Variants in KCNIP4 observed in about 807,000 individuals in gnomAD.
The protein encoded by KCNIP4 is Kv channel-interacting protein 4.
KCNIP4 carries 12 observed loss-of-function variants against 34.0 expected under a neutral mutation model. The observed-to-expected ratio is 0.35, with a 90% confidence interval of 0.23 to 0.57. KCNIP4 has a LOEUF of 0.57. KCNIP4 is among the 20% of genes least tolerant of loss of function. The pLI is 0.83. For missense variants in KCNIP4, 238 were observed against 311.7 expected (o/e 0.76, Z 1.78); for synonymous variants, 124 against 102.2 (o/e 1.21, Z -1.29).
chr4:20,775,408 T>C (rs1756287218), intron 3 of KCNIP4, among the ~76,000 whole-genome samples: 1 of 151,866 alleles, frequency 6.6e-6, no homozygotes. Flanking sequence ...TGATTAATAA[T>C]AACGAGTCCA....
rs117265070 is a variant in KCNIP4, at chr4:21,333,916, A to C, written c.62-451207T>G. On this transcript the variant is annotated intron_variant, in intron 1 of 8. Transcript: ENST00000382152. The stretch of plus-strand genomic sequence containing the variant: ...GTGCAAAAACTTCGGAAATTTTTAT[A>C]CCACTACTCTATCATAGCACTTTAG... 3.9e-5 allele frequency among the ~76,000 whole-genome samples: 6 copies of C among 152,274 alleles called. No individual in the cohort carries two copies. The East Asian group carries it at 1.2e-3, about 29-fold the overall frequency.
intron 1 of KCNIP4, among the ~76,000 whole-genome samples, chr4:21,191,971 T>G (rs895568153): frequency 2.0e-5 from 3 of 152,206 alleles, no homozygotes; most frequent in Non-Finnish European, 4.4e-5. Context: ...GTAGAGATCT[T>G]GATTCATAGC....
At position 21,196,238 on chromosome 4, in the gene KCNIP4, T is replaced by A. The variant is rs543061136; in HGVS notation, c.62-313529A>T. On this transcript the variant is annotated intron_variant, in intron 1 of 8. Coordinates refer to ENST00000382152, the MANE Select transcript of KCNIP4 (RefSeq NM_025221.6). ...TTCCTGGGATGGCAATAATGGCATG[T>A]TTCATTTTAATAGAACACATGTTTT... Among the ~76,000 whole-genome samples, 76 of 152,292 alleles carry A rather than the reference T, an allele frequency of 5.0e-4. 1 individual carries two copies. Among genetic ancestry groups the A allele is most frequent in the African/African-American group, 1.8e-3 (76 of 41,568 alleles).
intron 1 of KCNIP4, among the ~76,000 whole-genome samples, chr4:21,755,284 G>T (rs1156336637): frequency 6.6e-6 from 1 of 152,164 alleles, no homozygotes; most frequent in African/African-American, 2.4e-5. Flanking sequence ...ACCCACCAAG[G>T]TGGTTGGCAG....
intron 1 of KCNIP4, among the ~76,000 whole-genome samples, chr4:20,887,965 A>G (rs1725506788): frequency 6.6e-6 from 1 of 152,088 alleles, no homozygotes; most frequent in South Asian, 2.1e-4. Flanking sequence ...GGGTCAATGG[A>G]ATTTTAATGT....
Position 21,925,246 on chromosome 4 carries a change from A to G in KCNIP4, c.61+23325T>C, listed in dbSNP as rs1463761887. Among the ~76,000 whole-genome samples, 3 of 93,376 alleles carry G rather than the reference A, an allele frequency of 3.2e-5. No individual in the cohort carries two copies. The East Asian group carries it at 1.5e-3, about 47-fold the overall frequency. 61.3% of individuals were successfully genotyped at this position (93,376 alleles called of 152,430 possible). ...TATCCCTTCCCCCTCCCCCCACCCC[A>G]CAACAGTCCCTGGTGTGTGATGTTC... On this transcript the variant is annotated intron_variant, in intron 1 of 8. Coordinates refer to ENST00000382152, the MANE Select transcript of KCNIP4 (RefSeq NM_025221.6).
chr4:21,560,365 C>G (rs749364363), intron 1 of KCNIP4, among the ~76,000 whole-genome samples: 11 of 151,962 alleles, frequency 7.2e-5, no homozygotes, highest in Admixed American at 2.6e-4. Context: ...TGCAATTGAG[C>G]CTTATTAAAA....
chr4:21,039,475 A>C (rs965370232), intron 1 of KCNIP4, among the ~76,000 whole-genome samples: 1 of 152,288 alleles, frequency 6.6e-6, no homozygotes, highest in African/African-American at 2.4e-5. Flanking sequence ...CTCCTCTGCA[A>C]GAAACCCTTA....
chr4:21,462,181 T>C (rs1048391146), intron 1 of KCNIP4, among the ~76,000 whole-genome samples: 1 of 152,100 alleles, frequency 6.6e-6, no homozygotes, highest in African/African-American at 2.4e-5. Flanking sequence ...CCATGAACCA[T>C]TTTCTACCCA....
chr4:20,861,430 T>A (rs1264902842), intron 2 of KCNIP4, among the ~76,000 whole-genome samples: 1 of 152,166 alleles, frequency 6.6e-6, no homozygotes, highest in South Asian at 2.1e-4. Context: ...TCAATCCATT[T>A]GAAACACTGT....
intron 1 of KCNIP4, among the ~76,000 whole-genome samples, chr4:21,563,621 G>C (rs1427277966): frequency 6.6e-6 from 1 of 152,032 alleles, no homozygotes; most frequent in South Asian, 2.1e-4. Flanking sequence ...AGATAATTTA[G>C]AAAAAGTACT....
intron 1 of KCNIP4, among the ~76,000 whole-genome samples, chr4:21,158,874 A>G (rs534547803): frequency 1.3e-5 from 2 of 152,304 alleles, no homozygotes; most frequent in East Asian, 3.9e-4. Context: ...ATAAATTCCA[A>G]TGAAATCTAC....
intron 1 of KCNIP4, among the ~76,000 whole-genome samples, chr4:21,557,857 G>A (rs893498550): frequency 7.9e-5 from 12 of 152,106 alleles, no homozygotes; most frequent in Non-Finnish European, 1.8e-4. Context: ...AACAACTTAC[G>A]AAGGAAGATG....
intron 1 of KCNIP4, among the ~76,000 whole-genome samples, chr4:21,072,235 T>A (rs933616097): frequency 2.6e-5 from 4 of 152,220 alleles, no homozygotes; most frequent in African/African-American, 9.7e-5. Flanking sequence ...TCCACAATGG[T>A]TGAACTAGTT....
intron 1 of KCNIP4, among the ~76,000 whole-genome samples, chr4:21,590,873 AT>A (rs1742153388): frequency 6.6e-6 from 1 of 152,012 alleles, no homozygotes; most frequent in Non-Finnish European, 1.5e-5. Context: ...TTTAAGCTAC[AT>A]AATAGAAACA....
intron 1 of KCNIP4, among the ~76,000 whole-genome samples, chr4:21,913,644 A>C (rs1054180497): frequency 1.3e-5 from 2 of 152,252 alleles, no homozygotes; most frequent in African/African-American, 4.8e-5. Context: ...GCACTGAATA[A>C]GCAAAATCCT....
chr4:21,348,373 T>G (rs1203208580), intron 1 of KCNIP4, among the ~76,000 whole-genome samples: 1 of 152,158 alleles, frequency 6.6e-6, no homozygotes, highest in Non-Finnish European at 1.5e-5. Context: ...TGCAAAGAAA[T>G]CAGAGTGTTG....
intron 1 of KCNIP4, among the ~76,000 whole-genome samples, chr4:20,941,762 C>T (rs1731662939): frequency 6.6e-6 from 1 of 152,088 alleles, no homozygotes; most frequent in Admixed American, 6.6e-5. Context: ...AATATATCTT[C>T]CAGAGAGTGA....
At chr4:20,748,170 C>T (rs1179545020) in intron 5 of KCNIP4, among the ~76,000 whole-genome samples, 1 of 152,148 alleles carries the variant, frequency 6.6e-6, no homozygotes, top group African/African-American at 2.4e-5. Context: ...AGTCCAATCT[C>T]CTGCCTAAGA....
Sources: gnomAD v4.1 joint callset for allele counts (sites outside exome capture counted in the v4.1 genomes callset) on GRCh38, gnomAD v4.1.1 for gene constraint, MANE v1.5 for transcripts, NCBI Gene and HGNC (gene_info 2026-07-23, HGNC 2026-07-21) for gene names.